EEFSEC: variants seen among roughly 807,000 people sequenced by gnomAD.
EEFSEC encodes eukaryotic elongation factor, selenocysteine-tRNA specific.
A neutral mutation model predicts 42.1 loss-of-function variants in EEFSEC; 43 were observed. The observed-to-expected ratio is 1.02, with a 90% CI of 0.80 to 1.32. The LOEUF (loss-of-function observed/expected upper bound fraction) is 1.32, where lower values mean the gene tolerates loss of function less well. EEFSEC is among the 40% of genes most tolerant of loss of function. The pLI is 0.00. For missense variants in EEFSEC, 745 were observed against 803.6 expected (o/e 0.93, Z 0.88); for synonymous variants, 354 against 339.1 (o/e 1.04, Z -0.48).
intron 6 of EEFSEC, among the ~76,000 whole-genome samples, chr3:128,386,114 T>C (rs976928342): frequency 2.0e-5 from 3 of 152,174 alleles, no homozygotes; most frequent in Non-Finnish European, 4.4e-5. Context: ...AAAGAAATCT[T>C]TAGTAAATAG....
intron 4 of EEFSEC, among the ~76,000 whole-genome samples, chr3:128,325,218 G>T (rs1225671281): frequency 6.6e-6 from 1 of 152,222 alleles, no homozygotes; most frequent in Non-Finnish European, 1.5e-5. Context: ...AGGGGGAAGT[G>T]ATCTCCCTGT....
At chr3:128,280,865 G>GT (rs1451679627) in intron 4 of EEFSEC, among the ~76,000 whole-genome samples, 2 of 151,988 alleles carry the variant, frequency 1.3e-5, no homozygotes, top group South Asian at 2.1e-4. Flanking sequence ...CCTACTCACT[G>GT]TTTTTTTTCC....
chr3:128,370,128 T>C (rs752009393), intron 6 of EEFSEC, among the ~76,000 whole-genome samples: 4 of 152,242 alleles, frequency 2.6e-5, no homozygotes, highest in Non-Finnish European at 5.9e-5. Context: ...CCAGGTTGGT[T>C]GTTTCCCAGT....
intron 4 of EEFSEC, among the ~76,000 whole-genome samples, chr3:128,329,040 T>C (rs1276094284): frequency 1.3e-5 from 2 of 152,192 alleles, no homozygotes; most frequent in Non-Finnish European, 2.9e-5. Flanking sequence ...TCACCCTCCT[T>C]GCTCACTGTC....
chr3:128,288,250 G>T (rs896281593), intron 4 of EEFSEC, among the ~76,000 whole-genome samples: 1 of 152,100 alleles, frequency 6.6e-6, no homozygotes. Flanking sequence ...GACAAAACTC[G>T]GCTCTGAGGG....
chr3:128,365,328 CAAGGTTG>C, intron 6 of EEFSEC, among the ~76,000 whole-genome samples: 2 of 152,284 alleles, frequency 1.3e-5, no homozygotes, highest in East Asian at 3.9e-4. Flanking sequence ...CAGACGAGGC[CAAGGTTG>C]CAGGGGCCGC....
intron 1 of EEFSEC, among the ~76,000 whole-genome samples, chr3:128,233,835 G>T (rs1347260866): frequency 6.6e-6 from 1 of 152,106 alleles, no homozygotes. Flanking sequence ...GTGACTGAGG[G>T]CAAGTCACTT....
At chr3:128,318,780 T>C (rs549338623) in intron 4 of EEFSEC, among the ~76,000 whole-genome samples, 1 of 152,330 alleles carries the variant, frequency 6.6e-6, no homozygotes, top group East Asian at 1.9e-4. Flanking sequence ...GGCCGTGTAC[T>C]AACAGGTAAC....
chr3:128,305,314 T>G (rs1282518855), intron 4 of EEFSEC, among the ~76,000 whole-genome samples: 2 of 152,232 alleles, frequency 1.3e-5, no homozygotes, highest in Admixed American at 1.3e-4. Context: ...TCAGTAATAT[T>G]TATGTCATAA....
chr3:128,183,086 G>T (rs1002199011), intron 1 of EEFSEC, among the ~76,000 whole-genome samples: 1 of 152,090 alleles, frequency 6.6e-6, no homozygotes, highest in South Asian at 2.1e-4. Flanking sequence ...TAACCTTTCT[G>T]AACTTAAGGC....
chr3:128,266,357 A>G (rs893552090), intron 4 of EEFSEC, among the ~76,000 whole-genome samples: 4 of 152,030 alleles, frequency 2.6e-5, no homozygotes, highest in African/African-American at 9.7e-5. Flanking sequence ...ACTGGCACCC[A>G]TGTCTTGCGT....
In EEFSEC at chr3:128,264,667, C is replaced by A. The variant is rs774900953; in HGVS notation, c.672C>A (p.Phe224Leu). Residue 224 changes from phenylalanine (F) to leucine (L), a missense_variant, in exon 4 of 7, where the codon TTC becomes TTA. Phe to Leu is a conservative substitution (Grantham distance 22). Transcript: ENST00000254730. ...CAACGAGAGATCCCTCGGGACCGTTCCTCATGTCTGTGGACCACTGTTTCT... is the reference window on the plus strand; with the variant it reads ...CAACGAGAGATCCCTCGGGACCGTTACTCATGTCTGTGGACCACTGTTTCT... ...SIPTRDPSGP[F>L]LMSVDHCFSI... 10 of 1,614,122 alleles carry A rather than the reference C, an allele frequency of 6.2e-6. No individual in the cohort carries two copies. The highest frequency in any genetic ancestry group is 8.5e-6 in the Non-Finnish European group (10 of 1,179,998).
chr3:128,218,985 G>A (rs539928500), intron 1 of EEFSEC, among the ~76,000 whole-genome samples: 5 of 152,178 alleles, frequency 3.3e-5, no homozygotes, highest in African/African-American at 4.8e-5. Flanking sequence ...AGCGCCTGCC[G>A]TCAGGAAGCT....
chr3:128,234,764 T>G (rs935178287), intron 1 of EEFSEC, among the ~76,000 whole-genome samples: 1 of 152,226 alleles, frequency 6.6e-6, no homozygotes, highest in Non-Finnish European at 1.5e-5. Context: ...GTGTCTGAGA[T>G]GACTTGATGT....
intron 1 of EEFSEC, among the ~76,000 whole-genome samples, chr3:128,228,433 G>A (rs956320878): frequency 1.3e-5 from 2 of 152,198 alleles, no homozygotes; most frequent in African/African-American, 2.4e-5. Flanking sequence ...ACGGTCCTGG[G>A]GTGATAGAGA....
Position 128,312,997 on chromosome 3 carries a change from G to A in EEFSEC, c.787-28236G>A, listed in dbSNP as rs1030842837. Reference sequence around the variant, plus strand: ...AAGTCTAGGGTTACCATTTCTTGGCGGTGTGAACTTGGTCAAGTCAAGTAG... The same window carrying A: ...AAGTCTAGGGTTACCATTTCTTGGCAGTGTGAACTTGGTCAAGTCAAGTAG... On this transcript the variant is annotated intron_variant, in intron 4 of 6. Coordinates refer to ENST00000254730, the MANE Select transcript of EEFSEC (RefSeq NM_021937.5). Among the ~76,000 whole-genome samples the A allele has an allele frequency of 2.6e-5, 4 of 152,290 alleles. 1 individual carries two copies. The South Asian group carries it at 6.2e-4, about 24-fold the overall frequency.
At chr3:128,221,627 C>G (rs1185922519) in intron 1 of EEFSEC, among the ~76,000 whole-genome samples, 1 of 152,174 alleles carries the variant, frequency 6.6e-6, no homozygotes, top group East Asian at 1.9e-4. Context: ...TTTACAGTTG[C>G]ACACATGTGC....
intron 4 of EEFSEC, among the ~76,000 whole-genome samples, chr3:128,292,147 A>G (rs2066650653): frequency 6.6e-6 from 1 of 152,120 alleles, no homozygotes; most frequent in Admixed American, 6.5e-5. Context: ...TGTCAGACCC[A>G]CTTTACATTC....
intron 1 of EEFSEC, among the ~76,000 whole-genome samples, chr3:128,245,173 G>A (rs2066114522): frequency 6.6e-6 from 1 of 152,188 alleles, no homozygotes; most frequent in African/African-American, 2.4e-5. Context: ...AGTTTGGAGG[G>A]CCACATCTGA....
Sources: allele counts gnomAD v4.1 joint callset (sites outside exome capture counted in the v4.1 genomes callset), GRCh38; gene constraint gnomAD v4.1.1; transcripts MANE v1.5; gene names NCBI Gene and HGNC (gene_info 2026-07-23, HGNC 2026-07-21).